The following ARHGAP24 variants were observed in gnomAD, a reference collection of about 807,000 sequenced individuals.
The protein encoded by ARHGAP24 is rho GTPase-activating protein 24.
In ARHGAP24, 50 loss-of-function variants were observed where a neutral mutation model predicts 76.4. The ratio of observed to expected loss-of-function variants is 0.65; its 90% CI spans 0.52 to 0.83. ARHGAP24 has a LOEUF of 0.83. Ranked by LOEUF, ARHGAP24 falls within the 40% of genes least tolerant of loss-of-function variation. The probability of loss-of-function intolerance (pLI) is 0.00; values close to 1 mark genes in which losing one functional copy is unlikely to be tolerated. For missense variants in ARHGAP24, 930 were observed against 914.2 expected (o/e 1.02, Z -0.22); for synonymous variants, 345 against 323.3 (o/e 1.07, Z -0.72).
At chr4:85,717,115 A>T (rs2110039363) in intron 2 of ARHGAP24, among the ~76,000 whole-genome samples, 1 of 152,240 alleles carries the variant, frequency 6.6e-6, no homozygotes, top group Non-Finnish European at 1.5e-5. Context: ...ATTTTAAAAT[A>T]TCACATGGTT....
chr4:85,907,681 A>G (rs1734845363), intron 3 of ARHGAP24, among the ~76,000 whole-genome samples: 1 of 152,076 alleles, frequency 6.6e-6, no homozygotes. Flanking sequence ...GAAATTGGAG[A>G]TTCATATGCT....
intron 1 of ARHGAP24, among the ~76,000 whole-genome samples, chr4:85,521,696 C>A (rs1724761478): frequency 6.6e-6 from 1 of 152,130 alleles, no homozygotes; most frequent in Non-Finnish European, 1.5e-5. Flanking sequence ...TAGTAAATTA[C>A]AGCCTACTTT....
chr4:85,788,371 A>G (rs1417650127), intron 3 of ARHGAP24, among the ~76,000 whole-genome samples: 3 of 152,234 alleles, frequency 2.0e-5, no homozygotes, highest in African/African-American at 4.8e-5. Flanking sequence ...TTAAACTTAA[A>G]CCAATCATTT....
intron 2 of ARHGAP24, among the ~76,000 whole-genome samples, chr4:85,684,400 G>T (rs1283997905): frequency 3.3e-5 from 5 of 151,156 alleles, no homozygotes; most frequent in African/African-American, 1.2e-4. Flanking sequence ...TTTTAATTTT[G>T]ATTTCATCCA....
chr4:85,519,242 C>T (rs896072484), intron 1 of ARHGAP24, among the ~76,000 whole-genome samples: 9 of 152,144 alleles, frequency 5.9e-5, no homozygotes, highest in Non-Finnish European at 1.2e-4. Context: ...CCCTTTGGTG[C>T]CACACATTAG....
At chr4:85,916,106 G>A (rs1336955667) in intron 3 of ARHGAP24, among the ~76,000 whole-genome samples, 8 of 152,002 alleles carry the variant, frequency 5.3e-5, no homozygotes, top group South Asian at 2.1e-4. Context: ...TTTAATGATC[G>A]CCATTCTAAC....
chr4:85,630,013 C>T (rs561038889), intron 2 of ARHGAP24, among the ~76,000 whole-genome samples: 16 of 152,018 alleles, frequency 1.1e-4, no homozygotes, highest in South Asian at 8.3e-4. Flanking sequence ...GTCTCATAGG[C>T]TTTCTTCTCT....
At chr4:85,936,328 C>A (rs768143757) in intron 4 of ARHGAP24, among the ~76,000 whole-genome samples, 2 of 152,122 alleles carry the variant, frequency 1.3e-5, no homozygotes, top group Non-Finnish European at 2.9e-5. Flanking sequence ...TGTTTTATTT[C>A]CATGCATGCA....
intron 3 of ARHGAP24, among the ~76,000 whole-genome samples, chr4:85,727,278 A>G (rs1179484558): frequency 6.6e-6 from 1 of 152,120 alleles, no homozygotes; most frequent in South Asian, 2.1e-4. Context: ...ATGTGAAGTT[A>G]TTTTTTGAAC....
chr4:85,488,306 T>G (rs1222155984), intron 1 of ARHGAP24, among the ~76,000 whole-genome samples: 1 of 152,082 alleles, frequency 6.6e-6, no homozygotes, highest in East Asian at 1.9e-4. Context: ...AACTTCACCT[T>G]TCCTATAAAT....
intron 1 of ARHGAP24, among the ~76,000 whole-genome samples, chr4:85,565,869 T>C (rs1726821379): frequency 6.6e-6 from 1 of 150,470 alleles, no homozygotes. Flanking sequence ...GTGTATGGTT[T>C]GACTCTTAGA....
intron 3 of ARHGAP24, among the ~76,000 whole-genome samples, chr4:85,762,783 TC>T: frequency 6.6e-6 from 1 of 152,140 alleles, no homozygotes; most frequent in African/African-American, 2.4e-5. Flanking sequence ...TGTAAAGAAT[TC>T]TCTCCTGTGC....
chr4:85,789,489 A>G (rs541408862), intron 3 of ARHGAP24, among the ~76,000 whole-genome samples: 26 of 152,268 alleles, frequency 1.7e-4, no homozygotes, highest in Middle Eastern at 3.4e-3. Context: ...TGGGAATTAG[A>G]TAGGAACAGA....
intron 3 of ARHGAP24, among the ~76,000 whole-genome samples, chr4:85,861,178 G>A (rs1194374565): frequency 1.3e-5 from 2 of 151,890 alleles, no homozygotes; most frequent in African/African-American, 4.8e-5. Flanking sequence ...AACATGAAAC[G>A]ACTACTAACC....
intron 1 of ARHGAP24, among the ~76,000 whole-genome samples, chr4:85,500,054 A>G (rs564292082): frequency 6.6e-6 from 1 of 152,304 alleles, no homozygotes; most frequent in South Asian, 2.1e-4. Flanking sequence ...AATACACACT[A>G]GATTTTTAAG....
chr4:85,683,117 T>TGGGGGGGGGGGGGGGGGGGGG (rs201448168), intron 2 of ARHGAP24, among the ~76,000 whole-genome samples: 13 of 56,930 alleles, frequency 2.3e-4, no homozygotes, highest in Non-Finnish European at 4.3e-4. Context: ...TGTGGGGGGG[T>TGGGGGGGGGGGGGGGGGGGGG]GGGGGGGGGG....
intron 1 of ARHGAP24, among the ~76,000 whole-genome samples, chr4:85,528,165 C>T (rs945454060): frequency 3.9e-5 from 6 of 151,938 alleles, no homozygotes; most frequent in Non-Finnish European, 8.8e-5. Flanking sequence ...AAAGAAAGGA[C>T]CAGTCCATAC....
chr4:85,930,905 C>T (rs755353853), intron 4 of ARHGAP24: 5 of 1,613,028 alleles, frequency 3.1e-6, no homozygotes, highest in Admixed American at 1.7e-5. Context: ...AAGCCAAAAC[C>T]GGGTTCAGAA....
At chr4:85,944,161 G>A (rs894179925) in intron 5 of ARHGAP24, among the ~76,000 whole-genome samples, 2 of 152,098 alleles carry the variant, frequency 1.3e-5, no homozygotes, top group Admixed American at 6.5e-5. Context: ...TCTAACTGGC[G>A]TGAGATGGTA....
Sources: gnomAD v4.1 joint callset for allele counts (sites outside exome capture counted in the v4.1 genomes callset) on GRCh38, gnomAD v4.1.1 for gene constraint, MANE v1.5 for transcripts, NCBI Gene and HGNC (gene_info 2026-07-23, HGNC 2026-07-21) for gene names.